Variants in RLF observed in about 807,000 individuals in gnomAD.
RLF encodes RLF zinc finger, also known as zinc finger protein Rlf.
In RLF, 7 loss-of-function variants were observed where a neutral mutation model predicts 162.9. That is an observed-to-expected ratio of 0.04 (90% CI 0.02 to 0.08). RLF has a LOEUF of 0.08. Ranked by LOEUF, RLF falls within the 10% of genes least tolerant of loss-of-function variation. The pLI is 1.00. For missense variants in RLF, 1,664 were observed against 2,244.7 expected (o/e 0.74, Z 5.23); for synonymous variants, 782 against 791.5 (o/e 0.99, Z 0.20).
At chr1:40,193,127 C>CAAAAAAAAA (rs76035508) in intron 3 of RLF, among the ~76,000 whole-genome samples, 1 of 65,168 alleles carries the variant, frequency 1.5e-5, no homozygotes, top group African/African-American at 4.8e-5. Context: ...GTGGTCTTAG[C>CAAAAAAAAA]AAAAAAAAAA....
chr1:40,223,951 T>C (rs1050841225), intron 6 of RLF, among the ~76,000 whole-genome samples: 21 of 152,266 alleles, frequency 1.4e-4, no homozygotes, highest in African/African-American at 4.8e-4. Context: ...GAGTTATACC[T>C]CCTGTGAGAA....
intron 6 of RLF, among the ~76,000 whole-genome samples, chr1:40,224,830 T>C (rs150956699): frequency 0.19 from 28,206 of 150,578 alleles, 2,789 homozygotes; most frequent in Non-Finnish European, 0.21. Flanking sequence ...CTACTAAAAA[T>C]ACAAAAATTA....
At chr1:40,217,921 G>A (rs1369093870) in intron 5 of RLF, among the ~76,000 whole-genome samples, 1 of 152,168 alleles carries the variant, frequency 6.6e-6, no homozygotes, top group Non-Finnish European at 1.5e-5. Context: ...CCCATGCTGT[G>A]TAACGTGTAT....
At position 40,161,392 on chromosome 1, in the gene RLF, G is replaced by C; in HGVS notation, c.-8G>C. The C allele has an allele frequency of 1.3e-6, 2 of 1,528,438 alleles. No homozygotes were observed. Among genetic ancestry groups the C allele is most frequent in the Non-Finnish European group, 1.7e-6 (2 of 1,145,238 alleles). 94.7% of individuals were successfully genotyped at this position (1,528,438 alleles called of 1,614,324 possible). A position where few individuals can be genotyped will look rare whatever the true frequency, so the allele number is the denominator to read the frequency against. On this transcript the variant is annotated 5_prime_UTR_variant, in exon 1 of 8. Transcript: ENST00000372771. This position sits in a 1 kb window ranked among gnomAD's most constrained non-coding sequence, Gnocchi z 4.4. ...TTGGTTGCCTACGCGCTGGTGGGCC[G>C]TGGGAAGATGGCGGACGGAAAGGGA...
intron 6 of RLF, among the ~76,000 whole-genome samples, chr1:40,224,575 C>T (rs1195577495): frequency 1.3e-5 from 1 of 74,448 alleles, no homozygotes; most frequent in Non-Finnish European, 2.3e-5. Flanking sequence ...CGCCTGGCCA[C>T]ATCTTTTTTT....
intron 1 of RLF, among the ~76,000 whole-genome samples, chr1:40,168,443 G>T (rs1470222669): frequency 2.0e-5 from 3 of 151,872 alleles, no homozygotes; most frequent in African/African-American, 7.3e-5. Flanking sequence ...ATGGGGTTTC[G>T]CCATGTTGGC....
chr1:40,193,765 G>A (rs187395245), intron 3 of RLF, among the ~76,000 whole-genome samples: 71 of 148,144 alleles, frequency 4.8e-4, no homozygotes, highest in African/African-American at 1.8e-3. Context: ...GGGTGGGTGT[G>A]TGGGTGGGTG....
chr1:40,233,537 T>C (rs953694778), intron 7 of RLF, among the ~76,000 whole-genome samples: 1 of 152,214 alleles, frequency 6.6e-6, no homozygotes, highest in Non-Finnish European at 1.5e-5. Flanking sequence ...CACATCATCC[T>C]AATAAGTCAA....
In RLF at chr1:40,224,578, CTTTTT is replaced by C. The variant is rs59980316; in HGVS notation, c.947+1886_947+1890del. Among the ~76,000 whole-genome samples the C allele has an allele frequency of 7.4e-3, 299 of 40,446 alleles. 3 individuals are homozygous for C. The highest frequency in any genetic ancestry group is 0.049 in the East Asian group (49 of 1,010). 26.5% of individuals were successfully genotyped at this position (40,446 alleles called of 152,430 possible). A position where few individuals can be genotyped will look rare whatever the true frequency, so the allele number is the denominator to read the frequency against. On this transcript the variant is annotated intron_variant, in intron 6 of 7. Coordinates refer to ENST00000372771, the MANE Select transcript of RLF (RefSeq NM_012421.4). The stretch of plus-strand genomic sequence containing the variant: ...CGTGAGCCACTGCGCCTGGCCACAT[CTTTTT>C]TTTTTTTTTTTTTTTTTCCCCTTCC...
At chr1:40,166,835 C>G in intron 1 of RLF, among the ~76,000 whole-genome samples, 1 of 132,670 alleles carries the variant, frequency 7.5e-6, no homozygotes, top group East Asian at 2.2e-4. Context: ...TGGGGAACAT[C>G]ACACACCGGG....
chr1:40,182,753 G>GTAGGTAGGTAGACAGATAGATAGATAGA (rs144667492), intron 1 of RLF, among the ~76,000 whole-genome samples: 14 of 148,874 alleles, frequency 9.4e-5, no homozygotes, highest in Admixed American at 5.4e-4. Flanking sequence ...AGATAGATAG[G>GTAGGTAGGTAGACAGATAGATAGATAGA]TAGATAGATA....
At chr1:40,192,477 G>A (rs1408762491) in intron 3 of RLF, among the ~76,000 whole-genome samples, 1 of 152,090 alleles carries the variant, frequency 6.6e-6, no homozygotes, top group East Asian at 1.9e-4. Flanking sequence ...TTGGATTTGA[G>A]GAACATTTTG....
intron 1 of RLF, among the ~76,000 whole-genome samples, chr1:40,163,436 T>C (rs1189650607): frequency 3.3e-5 from 5 of 152,194 alleles, no homozygotes; most frequent in Non-Finnish European, 1.5e-5. Flanking sequence ...TTGAAGCTTG[T>C]CAAAGGATCA....
intron 1 of RLF, among the ~76,000 whole-genome samples, chr1:40,175,273 C>A (rs1167788528): frequency 6.6e-6 from 1 of 151,948 alleles, no homozygotes; most frequent in East Asian, 1.9e-4. Context: ...CATAAAACAT[C>A]ACATTTGGAT....
intron 1 of RLF, among the ~76,000 whole-genome samples, chr1:40,171,930 CTA>C (rs1193964226): frequency 6.6e-6 from 1 of 152,030 alleles, no homozygotes; most frequent in Non-Finnish European, 1.5e-5. Flanking sequence ...GAATGCATAT[CTA>C]TAGAATTTTT....
intron 1 of RLF, among the ~76,000 whole-genome samples, chr1:40,181,790 C>A (rs1383540133): frequency 6.6e-6 from 1 of 152,104 alleles, no homozygotes; most frequent in Non-Finnish European, 1.5e-5. Flanking sequence ...TAGGAATGTA[C>A]ATTGGAACAA....
intron 1 of RLF, among the ~76,000 whole-genome samples, chr1:40,188,052 G>A (rs1642505614): frequency 6.6e-6 from 1 of 152,184 alleles, no homozygotes; most frequent in Non-Finnish European, 1.5e-5. Flanking sequence ...CCAGGGAGAA[G>A]GCTGTATCCT....
intron 5 of RLF, among the ~76,000 whole-genome samples, chr1:40,206,689 G>A (rs1311685195): frequency 2.6e-5 from 4 of 152,044 alleles, no homozygotes; most frequent in East Asian, 1.9e-4. Flanking sequence ...CTTTTCTAAC[G>A]TTCTCTCACC....
intron 7 of RLF, among the ~76,000 whole-genome samples, chr1:40,233,556 T>G (rs1643179177): frequency 6.6e-6 from 1 of 152,214 alleles, no homozygotes; most frequent in African/African-American, 2.4e-5. Flanking sequence ...AAGAGACCCA[T>G]GGTCTAGTCC....
Sources: allele counts gnomAD v4.1 joint callset (sites outside exome capture counted in the v4.1 genomes callset), GRCh38; gene constraint gnomAD v4.1.1; non-coding constraint Gnocchi (gnomAD v3.1); transcripts MANE v1.5; gene names NCBI Gene and HGNC (gene_info 2026-07-23, HGNC 2026-07-21).